The following PTPRT variants were observed in gnomAD, a reference collection of about 807,000 sequenced individuals.
PTPRT encodes protein tyrosine phosphatase receptor type T.
Under a neutral mutation model 176.8 loss-of-function variants are expected in PTPRT, and 56 were observed. The ratio of observed to expected loss-of-function variants is 0.32; its 90% CI spans 0.26 to 0.40. The LOEUF is 0.40. Among genes scored for constraint, PTPRT ranks in the 10% least tolerant of loss-of-function variants. PTPRT has a pLI of 1.00. For missense variants in PTPRT, 1,540 were observed against 1,908.2 expected, an observed-to-expected ratio of 0.81 and a Z score of 3.60; for synonymous variants, 783 against 739.0, an observed-to-expected ratio of 1.06 and a Z score of -0.96.
intron 9 of PTPRT, among the ~76,000 whole-genome samples, chr20:42,424,211 C>T (rs1033975646): frequency 6.6e-6 from 1 of 152,104 alleles, no homozygotes; most frequent in Non-Finnish European, 1.5e-5. Flanking sequence ...CTCAAGTTTT[C>T]CAAACCTCAA....
At chr20:42,609,233 C>T (rs1038535069) in intron 7 of PTPRT, among the ~76,000 whole-genome samples, 8 of 152,046 alleles carry the variant, frequency 5.3e-5, no homozygotes, top group Middle Eastern at 6.8e-3. Context: ...ATGACCATGC[C>T]GGGCTAATTT....
intron 5 of PTPRT, among the ~76,000 whole-genome samples, chr20:42,766,464 C>T (rs1440963398): frequency 6.6e-6 from 1 of 152,224 alleles, no homozygotes. Flanking sequence ...TGTCCATTGA[C>T]TCTCATGTAG....
chr20:42,390,431 C>G (rs2058790142), intron 9 of PTPRT, among the ~76,000 whole-genome samples: 1 of 152,186 alleles, frequency 6.6e-6, no homozygotes, highest in African/African-American at 2.4e-5. Flanking sequence ...TAAATGCCAG[C>G]TTCCATTAAC....
At chr20:42,924,720 T>A (rs1979373087) in intron 1 of PTPRT, among the ~76,000 whole-genome samples, 1 of 152,184 alleles carries the variant, frequency 6.6e-6, no homozygotes, top group South Asian at 2.1e-4. Context: ...ACTTTTCAGA[T>A]AAGGAAATGG....
At chr20:43,019,551 GGAGATTGCAGTGAGCT>G (rs1282125011) in intron 1 of PTPRT, among the ~76,000 whole-genome samples, 6 of 150,798 alleles carry the variant, frequency 4.0e-5, no homozygotes, top group Non-Finnish European at 8.9e-5. Context: ...CCTGGGAGGC[GGAGATTGCAGTGAGCT>G]GAGATCACAC....
intron 2 of PTPRT, among the ~76,000 whole-genome samples, chr20:42,864,206 C>T (rs1396014217): frequency 1.3e-5 from 2 of 152,220 alleles, no homozygotes; most frequent in Non-Finnish European, 2.9e-5. Flanking sequence ...TCAGTAAGCA[C>T]ACACTGGACA....
At chr20:42,716,594 G>A (rs1445945023) in intron 6 of PTPRT, among the ~76,000 whole-genome samples, 2 of 151,906 alleles carry the variant, frequency 1.3e-5, no homozygotes, top group African/African-American at 4.8e-5. Flanking sequence ...TTTTTGATGG[G>A]GTTGTTTGTT....
intron 9 of PTPRT, among the ~76,000 whole-genome samples, chr20:42,444,882 C>A (rs1383478476): frequency 6.6e-6 from 1 of 152,172 alleles, no homozygotes; most frequent in African/African-American, 2.4e-5. Flanking sequence ...AAAGCAAGGT[C>A]TCTTGCTTAC....
intron 1 of PTPRT, among the ~76,000 whole-genome samples, chr20:42,898,388 T>C (rs1200945253): frequency 6.6e-6 from 1 of 152,098 alleles, no homozygotes; most frequent in Non-Finnish European, 1.5e-5. Context: ...TTTAAATTTT[T>C]TGTAGAGATG....
chr20:42,108,194 T>G (rs1986655248), intron 23 of PTPRT, among the ~76,000 whole-genome samples: 1 of 152,218 alleles, frequency 6.6e-6, no homozygotes, highest in Non-Finnish European at 1.5e-5. Flanking sequence ...TAGCTTCAGA[T>G]TTCTGATGCT....
intron 6 of PTPRT, among the ~76,000 whole-genome samples, chr20:42,747,898 T>A (rs371335334): frequency 9.2e-5 from 14 of 152,200 alleles, no homozygotes; most frequent in African/African-American, 3.4e-4. Context: ...CTTTTTCAAA[T>A]GATCACTCAG....
chr20:42,225,901 C>T (rs985454001), intron 15 of PTPRT, among the ~76,000 whole-genome samples: 6 of 152,214 alleles, frequency 3.9e-5, no homozygotes, highest in African/African-American at 1.4e-4. Flanking sequence ...GATCAGCCTG[C>T]CCTGGCCTGC....
chr20:42,468,982 A>G (rs1218483714), intron 8 of PTPRT, among the ~76,000 whole-genome samples: 6 of 152,180 alleles, frequency 3.9e-5, no homozygotes, highest in Non-Finnish European at 4.4e-5. Context: ...TTAGATTTCT[A>G]GATGTCTGGA....
In PTPRT at chr20:42,080,816, C is replaced by T. The variant is rs1983246907; in HGVS notation, c.*63G>A. On this transcript the variant is annotated 3_prime_UTR_variant, in exon 31 of 31. Coordinates refer to ENST00000373187, the MANE Select transcript of PTPRT (RefSeq NM_007050.6). ...GCTCCTGAGCCCAGTTACTGCCATT[C>T]ACACAAAAGGGGGCTTGGTCACAGC... The T allele has an allele frequency of 1.3e-6, 2 of 1,512,320 alleles. No individual in the cohort carries two copies. The highest frequency in any genetic ancestry group is 3.4e-5 in the Admixed American group (2 of 59,622). The allele number at this position is 1,512,320 out of a possible 1,614,324, so 93.7% of individuals were successfully genotyped here.
chr20:42,212,367 A>C (rs1319790974), intron 15 of PTPRT, among the ~76,000 whole-genome samples: 1 of 148,070 alleles, frequency 6.8e-6, no homozygotes, highest in African/African-American at 2.5e-5. Context: ...AAGTATAAGT[A>C]CCATGCTAGT....
intron 7 of PTPRT, among the ~76,000 whole-genome samples, chr20:42,554,601 G>T (rs1252834937): frequency 6.6e-6 from 1 of 152,022 alleles, no homozygotes; most frequent in East Asian, 1.9e-4. Flanking sequence ...AGTCATTATT[G>T]TTCTGTAAAA....
intron 9 of PTPRT, among the ~76,000 whole-genome samples, chr20:42,409,222 C>CCTGTAAT (rs1279014167): frequency 6.6e-6 from 1 of 152,026 alleles, no homozygotes; most frequent in East Asian, 1.9e-4. Context: ...GTGGCTCATG[C>CCTGTAAT]CTGTAATCCC....
At chr20:42,724,902 A>G (rs1201914811) in intron 6 of PTPRT, among the ~76,000 whole-genome samples, 2 of 152,112 alleles carry the variant, frequency 1.3e-5, no homozygotes, top group African/African-American at 4.8e-5. Context: ...ATAAATCAGT[A>G]TAATTTGCCC....
intron 15 of PTPRT, among the ~76,000 whole-genome samples, chr20:42,231,432 A>G (rs1279176110): frequency 6.6e-6 from 1 of 152,184 alleles, no homozygotes; most frequent in Non-Finnish European, 1.5e-5. Context: ...ACAAAATAAC[A>G]TATACTTTGC....
Sources: allele counts gnomAD v4.1 joint callset (sites outside exome capture counted in the v4.1 genomes callset), GRCh38; gene constraint gnomAD v4.1.1; transcripts MANE v1.5; gene names NCBI Gene and HGNC (gene_info 2026-07-23, HGNC 2026-07-21).